Variants in TM7SF3 observed in about 807,000 individuals in gnomAD.
TM7SF3 encodes the protein seven span transmembrane protein.
Under a neutral mutation model 65.5 loss-of-function variants are expected in TM7SF3, and 60 were observed. The observed-to-expected ratio is 0.92, with a 90% CI of 0.74 to 1.14. The LOEUF is 1.14. Ranked by LOEUF, TM7SF3 falls within the 50% of genes most tolerant of loss-of-function variation. The pLI is 0.00. For synonymous variants in TM7SF3, 264 were observed against 259.6 expected (o/e 1.02, Z -0.16); for missense variants, 623 against 684.8 (o/e 0.91, Z 1.01).
At chr12:26,978,085 G>T (rs1187587876) in intron 9 of TM7SF3, 1 of 452,716 alleles carries the variant, frequency 2.2e-6, no homozygotes, top group Non-Finnish European at 4.4e-6. Flanking sequence ...GACAGAAAGA[G>T]ATCCTGTCTC....
rs1940540838 is a variant in TM7SF3, at chr12:26,995,252, C to T, written c.675G>A (p.Lys225=). Residue 225 remains lysine (K), a synonymous_variant, in exon 5 of 12, where the codon AAG becomes AAA. Coordinates refer to ENST00000343028, the MANE Select transcript of TM7SF3 (RefSeq NM_016551.3). The part of the protein sequence containing the change: ...LQRMVSVPQV[K]ASALKVVTLT... ...TCAGATTTACCTTGAGAGCACTGGC[C>T]TTCACCTGGGGCACACTGACCATCC... 6.2e-7 allele frequency: 1 copy of T among 1,614,004 alleles called. No homozygotes were observed. The highest frequency in any genetic ancestry group is 1.1e-5 in the South Asian group (1 of 91,054).
rs1592305189 is a variant in TM7SF3 at position 26,999,646 on chromosome 12, T to C, written c.277A>G (p.Thr93Ala). The change falls in exon 3 of 12, where the codon ACT becomes GCT. Residue 93 changes from threonine (T) to alanine (A), a missense_variant. Transcript: ENST00000343028. ...TLLSNSSETG[T>A]ASGLVFILRP... ...AGGATGAAAACCAGTCCACTGGCAG[T>C]GCCTGTTTCCGAGGAATTGGAAAGG... 6 of 1,613,988 alleles carry C rather than the reference T, an allele frequency of 3.7e-6. No homozygotes were observed. The highest frequency in any genetic ancestry group is 5.1e-6 in the Non-Finnish European group (6 of 1,180,032).
At position 26,971,759 on chromosome 12, in the gene TM7SF3, C is replaced by T. The variant is rs1046298524; in HGVS notation, c.*2206G>A. The T allele has an allele frequency of 2.6e-5, 4 of 152,028 alleles. No individual in the cohort carries two copies. In the South Asian group the frequency reaches 6.2e-4, roughly 24 times the overall value. 9.4% of individuals were successfully genotyped at this position (152,028 alleles called of 1,614,324 possible). ...AACAAACATTCCATATAACTTTGTC[C>T]CTACAGTAAATAATTTTTTAAAACT... On this transcript the variant is annotated 3_prime_UTR_variant, in exon 12 of 12. Coordinates refer to ENST00000343028, the MANE Select transcript of TM7SF3 (RefSeq NM_016551.3).
intron 3 of TM7SF3, 87 bp downstream of exon 3, chr12:26,999,439 A>C (rs1592304630): frequency 7.2e-7 from 1 of 1,392,034 alleles, no homozygotes; most frequent in East Asian, 2.3e-5. Flanking sequence ...TGCAACAAAC[A>C]ATCTCAATAG....
At chr12:27,007,218 T>C (rs1253980674) in intron 1 of TM7SF3, among the ~76,000 whole-genome samples, 1 of 152,224 alleles carries the variant, frequency 6.6e-6, no homozygotes, top group African/African-American at 2.4e-5. Flanking sequence ...TTCCTGGATT[T>C]CCCAAAAGCT....
chr12:27,007,279 G>A (rs1941075541), intron 1 of TM7SF3, among the ~76,000 whole-genome samples: 1 of 152,062 alleles, frequency 6.6e-6, no homozygotes, highest in South Asian at 2.1e-4. Context: ...CCTACAGTGC[G>A]AACCAGGCAG....
chr12:27,006,213 A>T (rs1186670748), intron 1 of TM7SF3, among the ~76,000 whole-genome samples: 1 of 133,972 alleles, frequency 7.5e-6, no homozygotes, highest in African/African-American at 2.9e-5. Flanking sequence ...ATCTTAGCTC[A>T]CTGAAATCTC....
At position 27,014,193 on chromosome 12, in the gene TM7SF3, A is replaced by T. The variant is rs376289797; in HGVS notation, c.-25T>A. ...TTGCTGCCTGGGCCGGGCTGGGCCC[A>T]CGCCAGGGCTGGGGAGAGGTGCGGG... On this transcript the variant is annotated 5_prime_UTR_variant, in exon 1 of 12. Transcript: ENST00000343028. The T allele has an allele frequency of 3.1e-5, 48 of 1,550,546 alleles. No homozygotes were observed. The African/African-American group carries it at 6.0e-4, about 19-fold the overall frequency.
At chr12:26,995,848 T>G (rs1401580278) in intron 4 of TM7SF3, among the ~76,000 whole-genome samples, 1 of 152,206 alleles carries the variant, frequency 6.6e-6, no homozygotes, top group Non-Finnish European at 1.5e-5. Flanking sequence ...CGTGGACTTC[T>G]ACCCTCTAGA....
At chr12:26,976,201 AT>A in intron 10 of TM7SF3, 58 bp downstream of exon 10, 1 of 1,273,580 alleles carries the variant, frequency 7.9e-7, no homozygotes, top group Non-Finnish European at 1.1e-6. Context: ...GAAATAAGTG[AT>A]CAGCTGAACA....
intron 1 of TM7SF3, among the ~76,000 whole-genome samples, chr12:27,011,760 C>A (rs555147645): frequency 6.6e-6 from 1 of 152,156 alleles, no homozygotes; most frequent in Non-Finnish European, 1.5e-5. Flanking sequence ...CCCACATTGT[C>A]CCTCTTCTGC....
chr12:26,982,917 A>AT (rs765229979), intron 6 of TM7SF3, 58 bp from the exon 7 acceptor site: 141 of 1,252,866 alleles, frequency 1.1e-4, no homozygotes, highest in Non-Finnish European at 1.5e-4. Context: ...TTGTATTAAT[A>AT]TTTATAGAAC....
chr12:26,997,043 G>C (rs1373265425), intron 3 of TM7SF3, among the ~76,000 whole-genome samples, 181 bp from the exon 4 acceptor site: 1 of 152,212 alleles, frequency 6.6e-6, no homozygotes, highest in Non-Finnish European at 1.5e-5. Context: ...AGTTAACTGA[G>C]GTTCAGGGCC....
chr12:27,008,880 C>T (rs1376011400), intron 1 of TM7SF3, among the ~76,000 whole-genome samples: 1 of 152,054 alleles, frequency 6.6e-6, no homozygotes, highest in Admixed American at 6.6e-5. Flanking sequence ...TGGGAGGGGG[C>T]CTGAAGATGA....
chr12:27,004,396 T>C (rs1258495215), intron 1 of TM7SF3, among the ~76,000 whole-genome samples: 3 of 152,164 alleles, frequency 2.0e-5, no homozygotes, highest in Admixed American at 1.3e-4. Flanking sequence ...TTAGATTAAA[T>C]ATAGATGAAA....
At chr12:27,010,289 A>AAAAG (rs984151692) in intron 1 of TM7SF3, among the ~76,000 whole-genome samples, 4 of 152,346 alleles carry the variant, frequency 2.6e-5, no homozygotes, top group East Asian at 1.9e-4. Context: ...TTATTGAAAG[A>AAAAG]AAAGAAAGAA....
At chr12:26,988,004 TA>T (rs199535008) in intron 6 of TM7SF3, among the ~76,000 whole-genome samples, 2 of 147,886 alleles carry the variant, frequency 1.4e-5, no homozygotes, top group Non-Finnish European at 3.0e-5. Flanking sequence ...GAAGACATTC[TA>T]AAAAAAATAA....
intron 8 of TM7SF3, 56 bp from the exon 9 acceptor site, chr12:26,979,992 G>A: frequency 6.2e-7 from 1 of 1,603,142 alleles, no homozygotes; most frequent in Non-Finnish European, 8.5e-7. Flanking sequence ...CCAACCGCGT[G>A]CCTTAGACAT....
chr12:26,995,230 G>T lies in TM7SF3; in HGVS notation c.690+7C>A. The stretch of plus-strand genomic sequence containing the variant: ...CCAGCCACACAAATCATGGGACTCA[G>T]ATTTACCTTGAGAGCACTGGCCTTC... On this transcript the variant is annotated splice_region_variant and intron_variant, in intron 5 of 11. Transcript: ENST00000343028. 1 of 1,611,240 alleles carries T rather than the reference G, an allele frequency of 6.2e-7. No homozygotes were observed. Among genetic ancestry groups the T allele is most frequent in the South Asian group, 1.1e-5 (1 of 90,900 alleles).
Sources: allele counts gnomAD v4.1 joint callset (sites outside exome capture counted in the v4.1 genomes callset), GRCh38; gene constraint gnomAD v4.1.1; transcripts MANE v1.5; gene names NCBI Gene and HGNC (gene_info 2026-07-23, HGNC 2026-07-21).